The following CSMD3 variants were observed in gnomAD, a reference collection of about 807,000 sequenced individuals.
CSMD3 encodes the protein CUB and sushi domain-containing protein 3.
A neutral mutation model predicts 435.2 loss-of-function variants in CSMD3; 177 were observed. The observed-to-expected ratio is 0.41, with a 90% CI of 0.36 to 0.46. The LOEUF (loss-of-function observed/expected upper bound fraction) is 0.46. CSMD3 is among the 20% of genes least tolerant of loss of function. The pLI is 0.34. For synonymous variants in CSMD3, 1,656 were observed against 1,520.5 expected, an observed-to-expected ratio of 1.09 and a Z score of -2.07; for missense variants, 4,265 against 4,504.6, an observed-to-expected ratio of 0.95 and a Z score of 1.52.
intron 3 of CSMD3, among the ~76,000 whole-genome samples, chr8:113,275,945 T>C (rs947549213): frequency 2.0e-5 from 3 of 152,044 alleles, no homozygotes; most frequent in African/African-American, 7.2e-5. Flanking sequence ...AGTTGTAATT[T>C]GAGGTAACTG....
At chr8:112,792,046 A>AT (rs368793120) in intron 13 of CSMD3, among the ~76,000 whole-genome samples, 11 of 152,152 alleles carry the variant, frequency 7.2e-5, no homozygotes, top group African/African-American at 2.4e-4. Flanking sequence ...TCTTTTACTG[A>AT]TTTTAAATTG....
intron 6 of CSMD3, among the ~76,000 whole-genome samples, chr8:113,014,504 A>G (rs1383096300): frequency 6.6e-6 from 1 of 152,078 alleles, no homozygotes; most frequent in Admixed American, 6.6e-5. Context: ...GCCCTTATCA[A>G]GAAAAAATTA....
Position 112,976,023 on chromosome 8 carries a change from T to G in CSMD3, c.1156A>C (p.Thr386Pro). ...TGTTCCTCGGAAAGTCTATGGATGGTGACAGCTGTAACACTGGATACAGTA... is the reference window on the plus strand; with the variant it reads ...TGTTCCTCGGAAAGTCTATGGATGGGGACAGCTGTAACACTGGATACAGTA... ...DVTVSSVTAV[T>P]IHRLSEEQRV... Residue 386 changes from threonine to proline, a missense_variant, in exon 7 of 71, where the codon ACC (threonine) becomes CCC (proline). Physicochemically the swap from Thr to Pro is conservative, Grantham distance 38. Around this residue, in one of 3 missense-constraint regions of CSMD3, gnomAD observed 731 missense variants for 755.4 expected, o/e 0.97. Coordinates refer to ENST00000297405, the MANE Select transcript of CSMD3 (RefSeq NM_198123.2). 4 of 1,614,016 alleles carry G rather than the reference T, an allele frequency of 2.5e-6. No individual in the cohort carries two copies. The highest frequency in any genetic ancestry group is 3.4e-6 in the Non-Finnish European group (4 of 1,179,958).
intron 13 of CSMD3, among the ~76,000 whole-genome samples, chr8:112,779,818 G>C (rs1006298903): frequency 6.6e-6 from 1 of 151,776 alleles, no homozygotes; most frequent in South Asian, 2.1e-4. Flanking sequence ...AATCACATTG[G>C]GATTTTATTT....
intron 57 of CSMD3, among the ~76,000 whole-genome samples, chr8:112,287,728 G>A (rs141915296): frequency 6.6e-6 from 1 of 152,186 alleles, no homozygotes; most frequent in East Asian, 1.9e-4. Context: ...TTATAATACA[G>A]TTCTGATAGC....
In CSMD3 at chr8:112,636,538, T is replaced by TTCTATCTATCTA. The variant is rs5894094; in HGVS notation, c.3715+267_3715+278dup. 4.8e-4 allele frequency among the ~76,000 whole-genome samples: 72 copies of TTCTATCTATCTA among 149,452 alleles called. 1 individual carries two copies. The highest frequency in any genetic ancestry group is 8.1e-4 in the East Asian group (4 of 4,908). On this transcript the variant is annotated intron_variant, in intron 22 of 70. Coordinates refer to ENST00000297405, the MANE Select transcript of CSMD3 (RefSeq NM_198123.2). Reference sequence around the variant, plus strand: ...CCATATATCTATGTGTCTATCATATTTCTATCTATCTATCTATCTATCTAT... The same window carrying TTCTATCTATCTA: ...CCATATATCTATGTGTCTATCATATTTCTATCTATCTATCTATCTATCTATCTATCTATCTAT...
intron 1 of CSMD3, among the ~76,000 whole-genome samples, chr8:113,357,859 C>T (rs1563740737): frequency 2.0e-5 from 3 of 152,158 alleles, no homozygotes; most frequent in Non-Finnish European, 4.4e-5. Context: ...TGTTTGCTTT[C>T]CCTTTGCCTT....
At chr8:112,842,689 G>C (rs2080214033) in intron 11 of CSMD3, among the ~76,000 whole-genome samples, 1 of 151,726 alleles carries the variant, frequency 6.6e-6, no homozygotes, top group Non-Finnish European at 1.5e-5. Flanking sequence ...CAATTATGCA[G>C]TGTCTATATT....
At chr8:112,574,176 A>C (rs1563721188) in intron 23 of CSMD3, among the ~76,000 whole-genome samples, 2 of 150,060 alleles carry the variant, frequency 1.3e-5, no homozygotes, top group Non-Finnish European at 1.5e-5. Flanking sequence ...TTTAGAAACT[A>C]ATTTAATAAA....
intron 7 of CSMD3, among the ~76,000 whole-genome samples, chr8:112,965,055 C>G (rs2084366673): frequency 6.6e-6 from 1 of 151,904 alleles, no homozygotes; most frequent in Non-Finnish European, 1.5e-5. Flanking sequence ...TGAAAATGCC[C>G]TGAAATAATT....
intron 32 of CSMD3, among the ~76,000 whole-genome samples, chr8:112,447,580 GCTC>G (rs1815747641): frequency 1.3e-5 from 2 of 152,216 alleles, no homozygotes; most frequent in African/African-American, 4.8e-5. Flanking sequence ...CTCTCTAAGT[GCTC>G]CTTTTGGATA....
At chr8:112,319,787 C>A (rs767935841) in intron 46 of CSMD3, 114 bp downstream of exon 46, 14 of 790,558 alleles carry the variant, frequency 1.8e-5, no homozygotes, top group Non-Finnish European at 3.0e-5. Flanking sequence ...TCTCTATCAA[C>A]ACAGGGAATG....
At chr8:113,349,620 TA>T (rs1245728157) in intron 1 of CSMD3, among the ~76,000 whole-genome samples, 1 of 151,986 alleles carries the variant, frequency 6.6e-6, no homozygotes, top group Admixed American at 6.6e-5. Context: ...CATCTCTTTT[TA>T]AAAAAATAAT....
chr8:112,699,651 T>C lies in CSMD3; in HGVS notation c.1973-9601A>G, dbSNP rs116721562. Among the ~76,000 whole-genome samples the C allele has an allele frequency of 2.1e-3, 318 of 152,312 alleles. 1 individual carries two copies. Among genetic ancestry groups the C allele is most frequent in the African/African-American group, 7.4e-3 (306 of 41,586 alleles). ...TTTTACTAGGTGACTAATGATCGCA[T>C]AGGACGTATATTCAGGTATATTGAC... On this transcript the variant is annotated intron_variant, in intron 13 of 70. Transcript: ENST00000297405.
chr8:112,591,441 A>T (rs961340204), intron 22 of CSMD3, among the ~76,000 whole-genome samples: 2 of 152,120 alleles, frequency 1.3e-5, no homozygotes, highest in South Asian at 2.1e-4. Flanking sequence ...GGTAGCATCT[A>T]TTGTACACAT....
At chr8:112,451,328 C>A (rs570321791) in intron 32 of CSMD3, among the ~76,000 whole-genome samples, 1 of 149,762 alleles carries the variant, frequency 6.7e-6, no homozygotes. Context: ...GGAAATGGCA[C>A]GTGTTTTTAA....
intron 19 of CSMD3, among the ~76,000 whole-genome samples, chr8:112,648,488 G>A (rs933644730): frequency 3.9e-5 from 6 of 152,086 alleles, no homozygotes; most frequent in Non-Finnish European, 8.8e-5. Context: ...GAAAAGGATG[G>A]ATTTCTCAAG....
chr8:112,653,223 A>G (rs1279557579), intron 18 of CSMD3, among the ~76,000 whole-genome samples: 1 of 150,366 alleles, frequency 6.7e-6, no homozygotes, highest in Non-Finnish European at 1.5e-5. Context: ...ATTGCTTTAT[A>G]GAGCTTGTTT....
chr8:113,206,877 C>A (rs1457895080), intron 3 of CSMD3, among the ~76,000 whole-genome samples: 1 of 152,132 alleles, frequency 6.6e-6, no homozygotes, highest in Non-Finnish European at 1.5e-5. Flanking sequence ...AATTCTTGTA[C>A]AAATATTCTT....
Sources: gnomAD v4.1 joint callset for allele counts (sites outside exome capture counted in the v4.1 genomes callset) on GRCh38, gnomAD v4.1.1 for gene constraint, gnomAD v4.1.1 regional missense constraint, MANE v1.5 for transcripts, NCBI Gene and HGNC (gene_info 2026-07-23, HGNC 2026-07-21) for gene names.